MLPH: variants seen among roughly 807,000 people sequenced by gnomAD.
The protein encoded by MLPH is exophilin-3.
In MLPH, 51 loss-of-function variants were observed where a neutral mutation model predicts 72.1. That is an observed-to-expected ratio of 0.71 (90% confidence interval 0.56 to 0.89). MLPH has a LOEUF of 0.89. Among genes scored for constraint, MLPH ranks in the 40% least tolerant of loss-of-function variants. MLPH has a pLI of 0.00. For synonymous variants in MLPH, 301 were observed against 310.1 expected (o/e 0.97, Z 0.31); for missense variants, 743 against 759.9 (o/e 0.98, Z 0.26).
In MLPH at chr2:237,549,208, CTG is replaced by C; in HGVS notation, c.1618-11_1618-10del. ...CAACTTGATGAAGCCTGGAGACACT[CTG>C]TTTCTTCTAGGCAATGGCTGTGCCC... On this transcript the variant is annotated splice_polypyrimidine_tract_variant and intron_variant, in intron 13 of 15. Coordinates refer to ENST00000264605, the MANE Select transcript of MLPH (RefSeq NM_024101.7). 1 of 1,612,998 alleles carries C rather than the reference CTG, an allele frequency of 6.2e-7. No homozygotes were observed. The highest frequency in any genetic ancestry group is 2.2e-5 in the East Asian group (1 of 44,886).
At chr2:237,500,362 A>G (rs376799274) in intron 2 of MLPH, among the ~76,000 whole-genome samples, 1 of 152,348 alleles carries the variant, frequency 6.6e-6, no homozygotes, top group East Asian at 1.9e-4. Context: ...TCGTATCTGC[A>G]TGACCCATGT....
chr2:237,537,872 G>GGA (rs2080570963), intron 9 of MLPH: 1 of 152,162 alleles, frequency 6.6e-6, no homozygotes, highest in African/African-American at 2.4e-5. Context: ...AAGGGACCAA[G>GGA]GACGGCACTA....
chr2:237,493,920 C>T (rs1287701794), intron 2 of MLPH, among the ~76,000 whole-genome samples: 2 of 152,092 alleles, frequency 1.3e-5, no homozygotes, highest in African/African-American at 2.4e-5. Context: ...GCTGCCCTTC[C>T]ACCTCTCTTT....
Position 237,510,660 on chromosome 2 carries a change from G to T in MLPH, c.197G>T (p.Arg66Leu), listed in dbSNP as rs142906980. 1.2e-6 allele frequency: 2 copies of T among 1,613,764 alleles called. No homozygotes were observed. The highest frequency in any genetic ancestry group is 1.3e-5 in the African/African-American group (1 of 75,074). ...CATCTGAACGAGACCCACTGCGCCC[G>T]CTGCCTGCAGCCCTACCAGCTGCTT... ...TAHLNETHCA[R>L]CLQPYQLLVN... The change falls in exon 3 of 16, where the codon CGC becomes CTC. Residue 66 changes from arginine to leucine, a missense_variant. By Grantham distance (102) the Arg-to-Leu change is moderately radical. Coordinates refer to ENST00000264605, the MANE Select transcript of MLPH (RefSeq NM_024101.7). This position sits in a 1 kb window ranked among gnomAD's most constrained non-coding sequence, Gnocchi z 4.4.
At position 237,542,576 on chromosome 2, in the gene MLPH, AT is replaced by A; in HGVS notation, c.1458del (p.Ile486MetfsTer8). On this transcript the variant is annotated frameshift_variant, in exon 12 of 16. Coordinates refer to ENST00000264605, the MANE Select transcript of MLPH (RefSeq NM_024101.7). LOFTEE classifies it high-confidence loss of function. Reference protein sequence around the residue: ...VQQAESEVSDIESRIAALRAA... With the variant: ...VQQAESEVSDXESRIAALRAA... Reference sequence around the variant, plus strand: ...TGCTGTCCTCTCGCAGGTTTCAGACATTGAATCCAGGATTGCAGCCCTGAGG... The same window carrying A: ...TGCTGTCCTCTCGCAGGTTTCAGACATGAATCCAGGATTGCAGCCCTGAGG... The A allele has an allele frequency of 6.2e-7, 1 of 1,601,280 alleles. No individual in the cohort carries two copies. Among genetic ancestry groups the A allele is most frequent in the Non-Finnish European group, 8.5e-7 (1 of 1,174,554 alleles).
chr2:237,493,322 CTGTGT>C (rs2079466032), intron 1 of MLPH, 76 bp from the exon 2 acceptor site: 5 of 893,744 alleles, frequency 5.6e-6, no homozygotes, highest in Admixed American at 5.1e-5. Flanking sequence ...CAGCAGCGTT[CTGTGT>C]TGTCTCTTAC....
chr2:237,545,517 A>C (rs2080897859), intron 12 of MLPH: 1 of 1,289,168 alleles, frequency 7.8e-7, no homozygotes, highest in Non-Finnish European at 1.0e-6. Flanking sequence ...ACACCCTGAC[A>C]GTGTAAAATC....
At chr2:237,519,821 G>A (rs3751104) in intron 5 of MLPH, 89 bp from the exon 6 acceptor site, 34,173 of 1,594,104 alleles carry the variant, frequency 0.021, 625 homozygotes, top group South Asian at 0.065. Flanking sequence ...TCTGGGGGCT[G>A]AGTGTGGGGT....
chr2:237,492,135 G>A (rs1054083202), intron 1 of MLPH, among the ~76,000 whole-genome samples: 1 of 152,198 alleles, frequency 6.6e-6, no homozygotes, highest in Non-Finnish European at 1.5e-5. Flanking sequence ...ATTTTGAGTA[G>A]CAAGCAAGAT....
chr2:237,487,905 TA>T (rs2079351209), intron 1 of MLPH, among the ~76,000 whole-genome samples: 1 of 152,142 alleles, frequency 6.6e-6, no homozygotes, highest in Non-Finnish European at 1.5e-5. Flanking sequence ...TCTGGGCGTC[TA>T]AAAGTCTGTT....
rs776987944 is a variant in MLPH at position 237,553,667 on chromosome 2, C to T, written c.*75C>T. Reference sequence around the variant, plus strand: ...ACAGCCATCCTGTCCCTCATTGGCTCTGTGCTTTCCACTATACACAGTCAC... The same window carrying T: ...ACAGCCATCCTGTCCCTCATTGGCTTTGTGCTTTCCACTATACACAGTCAC... On this transcript the variant is annotated 3_prime_UTR_variant, in exon 16 of 16. Coordinates refer to ENST00000264605, the MANE Select transcript of MLPH (RefSeq NM_024101.7). 1.3e-6 allele frequency: 2 copies of T among 1,590,278 alleles called. No individual in the cohort carries two copies. The highest frequency in any genetic ancestry group is 1.7e-6 in the Non-Finnish European group (2 of 1,158,002).
chr2:237,544,397 G>T (rs1449914971), intron 12 of MLPH, among the ~76,000 whole-genome samples: 4 of 38,254 alleles, frequency 1.0e-4, no homozygotes, highest in South Asian at 8.7e-4. Context: ...GCACAGTGGT[G>T]AGTGGGGACA....
rs970749364 is a variant in MLPH, at chr2:237,505,956, A to G, written c.111-4618A>G. ...TCCACCCCCATGCATCCCCGTCTCC[A>G]GGGCTCTGTCTCCCCTGGGAGCTCA... On this transcript the variant is annotated intron_variant, in intron 2 of 15. Coordinates refer to ENST00000264605, the MANE Select transcript of MLPH (RefSeq NM_024101.7). This position sits in a 1 kb window ranked among gnomAD's most constrained non-coding sequence, Gnocchi z 4.5. 1.3e-5 allele frequency among the ~76,000 whole-genome samples: 2 copies of G among 152,202 alleles called. No homozygotes were observed. The highest frequency in any genetic ancestry group is 2.9e-5 in the Non-Finnish European group (2 of 68,040).
chr2:237,519,898 G>T lies in MLPH; in HGVS notation c.556-12G>T. The T allele has an allele frequency of 1.2e-6, 2 of 1,613,940 alleles. No homozygotes were observed. The highest frequency in any genetic ancestry group is 2.2e-5 in the East Asian group (1 of 44,880). ...CCTGACTTGAGTCTTGCCCTGTCTT[G>T]TGCCTGCTAAGAAAAAGCGCCTCCT... On this transcript the variant is annotated splice_polypyrimidine_tract_variant and intron_variant, in intron 5 of 15. Transcript: ENST00000264605.
intron 1 of MLPH, among the ~76,000 whole-genome samples, chr2:237,489,203 C>A (rs558173189): frequency 6.6e-6 from 1 of 152,240 alleles, no homozygotes; most frequent in Non-Finnish European, 1.5e-5. Context: ...CCCATCCTTG[C>A]GGTAGAGACT....
intron 6 of MLPH, among the ~76,000 whole-genome samples, chr2:237,525,352 G>T (rs2080279004): frequency 6.6e-6 from 1 of 152,318 alleles, no homozygotes; most frequent in African/African-American, 2.4e-5. Flanking sequence ...GGGTGTCGTT[G>T]GGGGCCCCAA....
At position 237,517,016 on chromosome 2, in the gene MLPH, GA is replaced by G. The variant is rs2080047000; in HGVS notation, c.446-1522del. 4.8e-5 allele frequency among the ~76,000 whole-genome samples: 7 copies of G among 147,178 alleles called. 1 individual carries two copies. Among genetic ancestry groups the G allele is most frequent in the African/African-American group, 1.9e-4 (7 of 37,750 alleles). Reference sequence around the variant, plus strand: ...AGGTGAGTGGATGGATGGATGGATGGATGGATGGATGGATGGATGGATGGAT... The same window carrying G: ...AGGTGAGTGGATGGATGGATGGATGGTGGATGGATGGATGGATGGATGGAT... On this transcript the variant is annotated intron_variant, in intron 4 of 15. Transcript: ENST00000264605.
intron 12 of MLPH, among the ~76,000 whole-genome samples, chr2:237,544,406 C>T (rs1350873680): frequency 5.4e-5 from 2 of 37,034 alleles, no homozygotes; most frequent in Admixed American, 3.4e-4. Context: ...TGAGTGGGGA[C>T]AGTGGTGAGT....
chr2:237,498,395 C>A (rs963853878), intron 2 of MLPH, among the ~76,000 whole-genome samples: 1 of 152,218 alleles, frequency 6.6e-6, no homozygotes, highest in African/African-American at 2.4e-5. Context: ...CCTTTTCCCA[C>A]AGCGTCAGAA....
Sources: allele counts gnomAD v4.1 joint callset (sites outside exome capture counted in the v4.1 genomes callset), GRCh38; gene constraint gnomAD v4.1.1; non-coding constraint Gnocchi (gnomAD v3.1); transcripts MANE v1.5; gene names NCBI Gene and HGNC (gene_info 2026-07-23, HGNC 2026-07-21).